VPS13B: variants seen among roughly 807,000 people sequenced by gnomAD.
VPS13B encodes vacuolar protein sorting 13 homolog B.
VPS13B carries 285 observed loss-of-function variants against 426.4 expected under a neutral mutation model. That is an observed-to-expected ratio of 0.67 (90% confidence interval 0.61 to 0.74). The LOEUF is 0.74. VPS13B is among the 30% of genes least tolerant of loss of function. VPS13B has a pLI of 0.00. For missense variants in VPS13B, 4,537 were observed against 4,782.6 expected (o/e 0.95, Z 1.51); for synonymous variants, 1,676 against 1,676.4 (o/e 1.00, Z 0.01).
Position 99,756,472 on chromosome 8 carries a change from T to G in VPS13B, c.7051-10302T>G, listed in dbSNP as rs542207820. Among the ~76,000 whole-genome samples the G allele has an allele frequency of 2.0e-5, 3 of 152,330 alleles. No individual in the cohort carries two copies. In the South Asian group the frequency reaches 6.2e-4, roughly 32 times the overall value. Reference sequence around the variant, plus strand: ...ATGGGCAAACACTTCCCAAATTTGATGACAAACATTTATCTACATCTAAGA... The same window carrying G: ...ATGGGCAAACACTTCCCAAATTTGAGGACAAACATTTATCTACATCTAAGA... On this transcript the variant is annotated intron_variant, in intron 39 of 61. Coordinates refer to ENST00000357162, the MANE Select transcript of VPS13B (RefSeq NM_152564.5).
intron 3 of VPS13B, among the ~76,000 whole-genome samples, chr8:99,077,020 C>T (rs80074322): frequency 1.3e-4 from 20 of 152,116 alleles, no homozygotes; most frequent in African/African-American, 4.8e-4. Flanking sequence ...TGTATCTGCT[C>T]TACCAGTGAG....
At chr8:99,816,899 A>G (rs1814070899) in intron 44 of VPS13B, among the ~76,000 whole-genome samples, 1 of 152,220 alleles carries the variant, frequency 6.6e-6, no homozygotes, top group Non-Finnish European at 1.5e-5. Flanking sequence ...ATTTCTTACT[A>G]GATAAGAGTG....
chr8:99,390,600 T>C (rs564568780), intron 20 of VPS13B, among the ~76,000 whole-genome samples: 1 of 152,304 alleles, frequency 6.6e-6, no homozygotes, highest in African/African-American at 2.4e-5. Context: ...CTATAAAACT[T>C]TGGTTGTGGT....
rs549856645 is a variant in VPS13B at position 99,033,859 on chromosome 8, G to C, written c.148-4564G>C. On this transcript the variant is annotated intron_variant, in intron 2 of 61. Coordinates refer to ENST00000357162, the MANE Select transcript of VPS13B (RefSeq NM_152564.5). The stretch of plus-strand genomic sequence containing the variant: ...TGCAGTGAGCCAAGATCATGCCATT[G>C]CACTCCAGCCTGGGTGACAGGGTGA... Among the ~76,000 whole-genome samples, 5 of 152,106 alleles carry C rather than the reference G, an allele frequency of 3.3e-5. No homozygotes were observed. The East Asian group carries it at 9.7e-4, about 29-fold the overall frequency.
intron 17 of VPS13B, among the ~76,000 whole-genome samples, chr8:99,240,692 TTAAAAC>T (rs1236552825): frequency 6.6e-6 from 1 of 152,220 alleles, no homozygotes; most frequent in Non-Finnish European, 1.5e-5. Context: ...TTATTTATAT[TTAAAAC>T]TAAAAAAAAT....
rs567109440 is a variant in VPS13B at position 99,647,022 on chromosome 8, C to T, written c.5908+4524C>T. Among the ~76,000 whole-genome samples, 10 of 152,192 alleles carry T rather than the reference C, an allele frequency of 6.6e-5. No individual in the cohort carries two copies. In the South Asian group the frequency reaches 1.2e-3, roughly 19 times the overall value. ...AATGCAAAAATAGCCTAACATAACA[C>T]GCATCTCAATAATTGCCCCATTGTC... On this transcript the variant is annotated intron_variant, in intron 34 of 61. Coordinates refer to ENST00000357162, the MANE Select transcript of VPS13B (RefSeq NM_152564.5).
At chr8:99,478,442 G>GTTTTGTTTTTTTTTTT (rs1819819716) in intron 24 of VPS13B, among the ~76,000 whole-genome samples, 1 of 43,520 alleles carries the variant, frequency 2.3e-5, no homozygotes, top group South Asian at 1.1e-3. Context: ...TTGTTTTTTT[G>GTTTTGTTTTTTTTTTT]TTTTGTTTTT....
At chr8:99,858,596 A>C (rs73273207) in intron 56 of VPS13B, among the ~76,000 whole-genome samples, 17,448 of 152,094 alleles carry the variant, frequency 0.11, 2,137 homozygotes, top group African/African-American at 0.31. Flanking sequence ...GAGGCAGAAG[A>C]ATCGCTTGAA....
chr8:99,114,747 A>C (rs1847565219), intron 6 of VPS13B, among the ~76,000 whole-genome samples: 1 of 152,114 alleles, frequency 6.6e-6, no homozygotes, highest in Non-Finnish European at 1.5e-5. Flanking sequence ...CTTCACATAC[A>C]TTTTTTTATG....
At chr8:99,648,080 C>T (rs1394944774) in intron 34 of VPS13B, among the ~76,000 whole-genome samples, 1 of 152,148 alleles carries the variant, frequency 6.6e-6, no homozygotes, top group Admixed American at 6.5e-5. Context: ...TTCAGAAGAA[C>T]ATCTTATTCC....
chr8:99,573,396 T>A (rs188325652), intron 31 of VPS13B, among the ~76,000 whole-genome samples: 8 of 152,342 alleles, frequency 5.3e-5, no homozygotes, highest in African/African-American at 1.7e-4. Context: ...CTGAAAGGTA[T>A]TGCCTAGGTT....
At position 99,807,776 on chromosome 8, in the gene VPS13B, A is replaced by G. The variant is rs377229376; in HGVS notation, c.7942-1599A>G. Among the ~76,000 whole-genome samples the G allele has an allele frequency of 6.6e-5, 10 of 151,708 alleles. No individual in the cohort carries two copies. In the East Asian group the frequency reaches 1.4e-3, roughly 21 times the overall value. On this transcript the variant is annotated intron_variant, in intron 43 of 61. Transcript: ENST00000357162. ...CTAACTGATAGCATTTTCCTATCAC[A>G]AGATCACTGGCAGTGCGTGGAGGAA...
chr8:99,824,100 A>T, intron 51 of VPS13B, 122 bp downstream of exon 51: 1 of 1,247,258 alleles, frequency 8.0e-7, no homozygotes, highest in Non-Finnish European at 1.1e-6. Flanking sequence ...AGAGAAATTC[A>T]CTTATTTTTG....
chr8:99,446,466 G>A lies in VPS13B; in HGVS notation c.3445+3831G>A, dbSNP rs138176864. On this transcript the variant is annotated intron_variant, in intron 23 of 61. Transcript: ENST00000357162. ...TTAATATTCGAATCTTATGAGTCCT[G>A]CAAGTTTTCTGGCATAATCTATTCA... Among the ~76,000 whole-genome samples, 907 of 152,136 alleles carry A rather than the reference G, an allele frequency of 6.0e-3. 3 individuals are homozygous for A. Among genetic ancestry groups the A allele is most frequent in the Non-Finnish European group, 0.01 (680 of 67,982 alleles).
chr8:99,297,011 T>TA (rs1459684878), intron 19 of VPS13B, among the ~76,000 whole-genome samples: 1 of 152,072 alleles, frequency 6.6e-6, no homozygotes, highest in Non-Finnish European at 1.5e-5. Context: ...TGTATTTATA[T>TA]ATATATATAT....
intron 17 of VPS13B, among the ~76,000 whole-genome samples, chr8:99,263,304 G>T (rs1223223763): frequency 6.6e-6 from 1 of 152,138 alleles, no homozygotes; most frequent in East Asian, 1.9e-4. Flanking sequence ...CATTCTCTGT[G>T]TTAGGCAGGA....
rs141703746 is a variant in VPS13B at position 99,275,256 on chromosome 8, T to G, written c.2824+2T>G. ...ATATTGACTACTGCCACAATTCCGGTAAGTACAAACCTATCATTATTCCCT... is the reference window on the plus strand; with the variant it reads ...ATATTGACTACTGCCACAATTCCGGGAAGTACAAACCTATCATTATTCCCT... On this transcript the variant is annotated splice_donor_variant, in intron 19 of 61. Transcript: ENST00000357162. LOFTEE classifies it high-confidence loss of function. 6 of 1,608,212 alleles carry G rather than the reference T, an allele frequency of 3.7e-6. No homozygotes were observed. The highest frequency in any genetic ancestry group is 5.1e-6 in the Non-Finnish European group (6 of 1,177,432).
At chr8:99,788,726 T>TTTTGA (rs1279697982) in intron 43 of VPS13B, among the ~76,000 whole-genome samples, 1 of 152,192 alleles carries the variant, frequency 6.6e-6, no homozygotes, top group African/African-American at 2.4e-5. Flanking sequence ...ATTACTATTC[T>TTTTGA]TTTGATTTTT....
At chr8:99,403,215 G>A (rs1352209184) in intron 21 of VPS13B, among the ~76,000 whole-genome samples, 2 of 152,062 alleles carry the variant, frequency 1.3e-5, no homozygotes, top group Admixed American at 1.3e-4. Context: ...GTACATGGCT[G>A]GGGTACCTCT....
Sources: allele counts gnomAD v4.1 joint callset (sites outside exome capture counted in the v4.1 genomes callset), GRCh38; gene constraint gnomAD v4.1.1; transcripts MANE v1.5; gene names NCBI Gene and HGNC (gene_info 2026-07-23, HGNC 2026-07-21).